TRIQK: variants seen among roughly 807,000 people sequenced by gnomAD.
The protein encoded by TRIQK is triple QxxK/R motif-containing protein.
A neutral mutation model predicts 10.8 loss-of-function variants in TRIQK; 10 were observed. The observed-to-expected ratio is 0.92, with a 90% CI of 0.57 to 1.57. The LOEUF (loss-of-function observed/expected upper bound fraction) is 1.57, where lower values mean the gene tolerates loss of function less well. TRIQK is among the 40% of genes most tolerant of loss of function. The pLI, the probability that TRIQK is intolerant of heterozygous loss-of-function variation, is 0.00. For synonymous variants in TRIQK, 33 were observed against 33.7 expected (o/e 0.98, Z 0.07); for missense variants, 107 against 97.7 (o/e 1.09, Z -0.40).
chr8:92,949,816 AAGAAAGAAAGAAAG>A (rs1362668508), intron 2 of TRIQK, among the ~76,000 whole-genome samples: 4 of 143,502 alleles, frequency 2.8e-5, no homozygotes, highest in Admixed American at 2.8e-4. Context: ...GAAAGAAAGA[AAGAAAGAAAGAAAG>A]AAAGAAAGAA....
At chr8:92,994,839 C>T (rs1027396618) in intron 1 of TRIQK, among the ~76,000 whole-genome samples, 6 of 151,808 alleles carry the variant, frequency 4.0e-5, no homozygotes, top group African/African-American at 1.2e-4. Context: ...CTACAAACTC[C>T]TTGTTTCCCC....
intron 2 of TRIQK, among the ~76,000 whole-genome samples, chr8:92,946,901 A>G (rs889238635): frequency 6.6e-6 from 1 of 151,700 alleles, no homozygotes; most frequent in Non-Finnish European, 1.5e-5. Flanking sequence ...CTGGGACCGC[A>G]GGCGCCTGCC....
At chr8:92,930,717 C>A (rs920086378) in intron 2 of TRIQK, among the ~76,000 whole-genome samples, 2 of 151,990 alleles carry the variant, frequency 1.3e-5, no homozygotes, top group African/African-American at 4.8e-5. Flanking sequence ...CCTGATGAGA[C>A]AAAGAGTAAT....
chr8:92,993,502 T>A (rs1813118903), intron 1 of TRIQK, among the ~76,000 whole-genome samples: 1 of 152,158 alleles, frequency 6.6e-6, no homozygotes, highest in African/African-American at 2.4e-5. Context: ...AATAAGTTCA[T>A]TGTAGTCAGA....
chr8:92,919,676 C>T (rs1810069796), intron 2 of TRIQK, among the ~76,000 whole-genome samples: 1 of 151,714 alleles, frequency 6.6e-6, no homozygotes, highest in Non-Finnish European at 1.5e-5. Context: ...GCAGTATTCC[C>T]TCCTCTTCAA....
At chr8:92,979,884 T>C (rs188349503) in intron 1 of TRIQK, among the ~76,000 whole-genome samples, 5 of 152,236 alleles carry the variant, frequency 3.3e-5, no homozygotes, top group East Asian at 1.9e-4. Context: ...GCAATAATGA[T>C]AGACTGTCTT....
At chr8:92,979,364 C>T (rs1478824848) in intron 1 of TRIQK, among the ~76,000 whole-genome samples, 1 of 152,038 alleles carries the variant, frequency 6.6e-6, no homozygotes, top group Non-Finnish European at 1.5e-5. Flanking sequence ...CAAATTTTTT[C>T]ATATATATCC....
intron 3 of TRIQK, among the ~76,000 whole-genome samples, chr8:92,906,578 T>C (rs527849305): frequency 6.6e-6 from 1 of 152,214 alleles, no homozygotes; most frequent in Non-Finnish European, 1.5e-5. Flanking sequence ...GCTCCTAGAA[T>C]GTAACACTCA....
intron 3 of TRIQK, among the ~76,000 whole-genome samples, chr8:92,893,422 TC>T (rs1357566654): frequency 3.9e-5 from 6 of 151,998 alleles, no homozygotes; most frequent in Non-Finnish European, 7.4e-5. Context: ...TAACTCTGGA[TC>T]AATGAGCATG....
intron 1 of TRIQK, among the ~76,000 whole-genome samples, chr8:93,017,041 A>AAGT (rs1398286516): frequency 6.6e-6 from 1 of 151,344 alleles, no homozygotes; most frequent in Non-Finnish European, 1.5e-5. Context: ...CATTTATGTA[A>AAGT]AGTTTAAAAG....
rs145247234 is a variant in TRIQK at position 93,011,954 on chromosome 8, G to C, written c.-181+5655C>G. Reference sequence around the variant, plus strand: ...ACCAAGATAGATGCAGATGTTGAGAGTACAAGATACAGATAGATGGTGGAC... The same window carrying C: ...ACCAAGATAGATGCAGATGTTGAGACTACAAGATACAGATAGATGGTGGAC... On this transcript the variant is annotated intron_variant, in intron 1 of 4. Coordinates refer to the TRIQK transcript ENST00000520686. Among the ~76,000 whole-genome samples the C allele has an allele frequency of 3.4e-3, 520 of 152,276 alleles. 1 individual carries two copies. Among genetic ancestry groups the C allele is most frequent in the Non-Finnish European group, 5.7e-3 (391 of 68,008 alleles).
chr8:92,954,256 T>C (rs1812059674), intron 2 of TRIQK, 150 bp downstream of exon 2: 2 of 151,956 alleles, frequency 1.3e-5, no homozygotes, highest in Non-Finnish European at 2.9e-5. Flanking sequence ...CATTTCCTTA[T>C]TGTAAAACTG....
intron 1 of TRIQK, among the ~76,000 whole-genome samples, chr8:93,014,559 AGTT>A (rs1229163276): frequency 3.3e-5 from 5 of 151,962 alleles, no homozygotes; most frequent in Non-Finnish European, 7.4e-5. Context: ...GGTTGTTCTG[AGTT>A]GTTGTGTTGT....
chr8:92,990,561 C>T (rs1266128511), intron 1 of TRIQK, among the ~76,000 whole-genome samples: 2 of 152,130 alleles, frequency 1.3e-5, no homozygotes, highest in African/African-American at 2.4e-5. Context: ...CCCGGCTCAT[C>T]TCATTGGAAC....
At chr8:92,919,974 T>A (rs1049681819) in intron 2 of TRIQK, among the ~76,000 whole-genome samples, 2 of 151,842 alleles carry the variant, frequency 1.3e-5, no homozygotes, top group African/African-American at 4.8e-5. Flanking sequence ...GTGGTATCAG[T>A]TGTAATGTTT....
intron 1 of TRIQK, among the ~76,000 whole-genome samples, chr8:93,014,115 C>T (rs750858265): frequency 8.6e-5 from 13 of 152,044 alleles, no homozygotes; most frequent in Non-Finnish European, 1.5e-4. Flanking sequence ...TAACTTTCTA[C>T]TGGGAAATCT....
At chr8:92,945,649 C>A (rs1811492424) in intron 2 of TRIQK, among the ~76,000 whole-genome samples, 1 of 152,126 alleles carries the variant, frequency 6.6e-6, no homozygotes, top group African/African-American at 2.4e-5. Context: ...TTTGTTTTTT[C>A]CTCCTTATGT....
chr8:92,983,140 C>T (rs1813001870), intron 1 of TRIQK, among the ~76,000 whole-genome samples: 1 of 151,940 alleles, frequency 6.6e-6, no homozygotes, highest in African/African-American at 2.4e-5. Flanking sequence ...TTTTTATTTA[C>T]TCTAGAAGTG....
rs115428676 is a variant in TRIQK, at chr8:92,961,724, A to G, written c.-181+4283T>C. Among the ~76,000 whole-genome samples the G allele has an allele frequency of 2.1e-3, 314 of 152,350 alleles. 1 individual carries two copies. Among genetic ancestry groups the G allele is most frequent in the African/African-American group, 7.3e-3 (305 of 41,588 alleles). ...TATTTTAACATTCAAAGTATGTAAA[A>G]CAAATGTTATTTGGATTAACCTATC... is the stretch of plus-strand genomic sequence containing the variant. On this transcript the variant is annotated intron_variant, in intron 1 of 4. Transcript: ENST00000521988.
Sources: gnomAD v4.1 joint callset for allele counts (sites outside exome capture counted in the v4.1 genomes callset) on GRCh38, gnomAD v4.1.1 for gene constraint, MANE v1.5 for transcripts, NCBI Gene and HGNC (gene_info 2026-07-23, HGNC 2026-07-21) for gene names.